Variants in DTNB observed in about 807,000 individuals in gnomAD.
DTNB encodes the protein dystrobrevin beta, also known as DTN-B.
A neutral mutation model predicts 90.7 loss-of-function variants in DTNB; 63 were observed. The observed-to-expected ratio is 0.69, with a 90% confidence interval of 0.57 to 0.86. The LOEUF is 0.86. DTNB is among the 40% of genes least tolerant of loss of function. The probability of loss-of-function intolerance (pLI) is 0.00; values close to 1 mark genes in which losing one functional copy is unlikely to be tolerated. For synonymous variants in DTNB, 277 were observed against 286.7 expected, an observed-to-expected ratio of 0.97 and a Z score of 0.34; for missense variants, 744 against 807.1, an observed-to-expected ratio of 0.92 and a Z score of 0.95.
At chr2:25,551,933 C>G (rs1382406373) in intron 8 of DTNB, among the ~76,000 whole-genome samples, 1 of 152,180 alleles carries the variant, frequency 6.6e-6, no homozygotes, top group Non-Finnish European at 1.5e-5. Context: ...CAAATTTGTT[C>G]TTCAGCTATA....
At chr2:25,507,778 C>T (rs1180498360) in intron 9 of DTNB, among the ~76,000 whole-genome samples, 1 of 152,202 alleles carries the variant, frequency 6.6e-6, no homozygotes, top group Non-Finnish European at 1.5e-5. Flanking sequence ...TTAGTCCTTA[C>T]AATGGCATAT....
At chr2:25,406,128 G>T (rs899194293) in intron 16 of DTNB, among the ~76,000 whole-genome samples, 15 of 152,096 alleles carry the variant, frequency 9.9e-5, no homozygotes, top group Non-Finnish European at 1.8e-4. Context: ...GATCTGTGGG[G>T]CCCACCCTTC....
At chr2:25,496,125 C>A (rs981589643) in intron 9 of DTNB, among the ~76,000 whole-genome samples, 1 of 152,122 alleles carries the variant, frequency 6.6e-6, no homozygotes, top group Non-Finnish European at 1.5e-5. Context: ...TAAAATGAGA[C>A]AATAGTTATT....
intron 1 of DTNB, among the ~76,000 whole-genome samples, chr2:25,662,961 G>C (rs955823355): frequency 6.6e-6 from 1 of 151,958 alleles, no homozygotes; most frequent in Non-Finnish European, 1.5e-5. Context: ...TTGTTACATG[G>C]GTATACATGT....
rs1401119426 is a variant in DTNB, at chr2:25,640,752, AT to A, written c.68-1659del. 3.3e-5 allele frequency among the ~76,000 whole-genome samples: 5 copies of A among 152,200 alleles called. 1 individual carries two copies. In the South Asian group the frequency reaches 6.2e-4, roughly 19 times the overall value. On this transcript the variant is annotated intron_variant, in intron 2 of 20. Transcript: ENST00000406818. ...CCAGGCGCGGTGGCTCATGCCTGTAATCCCAGCACTTTGGGAGGCTGAGGCG... is the reference window on the plus strand; with the variant it reads ...CCAGGCGCGGTGGCTCATGCCTGTAACCCAGCACTTTGGGAGGCTGAGGCG...
At chr2:25,653,934 A>G (rs2081555256) in intron 1 of DTNB, among the ~76,000 whole-genome samples, 1 of 152,032 alleles carries the variant, frequency 6.6e-6, no homozygotes. Flanking sequence ...GCTCTTGATA[A>G]CTGCCTTCTG....
intron 8 of DTNB, among the ~76,000 whole-genome samples, chr2:25,549,655 G>T (rs2083176417): frequency 6.6e-6 from 1 of 151,924 alleles, no homozygotes; most frequent in African/African-American, 2.4e-5. Flanking sequence ...TGATTTATTT[G>T]CTTCCTTCTT....
At chr2:25,506,237 G>GGGGT (rs1431129765) in intron 9 of DTNB, among the ~76,000 whole-genome samples, 39 of 152,074 alleles carry the variant, frequency 2.6e-4, no homozygotes, top group African/African-American at 9.4e-4. Flanking sequence ...GCAGAGCAGG[G>GGGGT]GGGTGACTAT....
intron 16 of DTNB, among the ~76,000 whole-genome samples, chr2:25,409,240 TTCATTCATTCATTCAC>T (rs1171074282): frequency 6.6e-6 from 1 of 152,010 alleles, no homozygotes; most frequent in Non-Finnish European, 1.5e-5. Context: ...CATTCATTCA[TTCATTCATTCATTCAC>T]TCATTCATTC....
chr2:25,661,629 T>A (rs759985571), intron 1 of DTNB, among the ~76,000 whole-genome samples: 14 of 152,362 alleles, frequency 9.2e-5, no homozygotes, highest in Admixed American at 2.6e-4. Flanking sequence ...TGGGTGAAGA[T>A]GACAGAAGCG....
intron 4 of DTNB, among the ~76,000 whole-genome samples, chr2:25,619,831 G>GGAGTTT (rs1431250505): frequency 1.3e-5 from 2 of 152,086 alleles, no homozygotes; most frequent in Admixed American, 6.5e-5. Flanking sequence ...CAGGAGGTCA[G>GGAGTTT]GAGTTTGAGA....
intron 14 of DTNB, 73 bp downstream of exon 14, chr2:25,432,813 T>A: frequency 6.9e-7 from 1 of 1,442,896 alleles, no homozygotes; most frequent in South Asian, 1.2e-5. Context: ...TCTACCCCAC[T>A]CCTTTGGTTT....
chr2:25,469,220 G>A (rs1368933062), intron 10 of DTNB, among the ~76,000 whole-genome samples: 1 of 152,166 alleles, frequency 6.6e-6, no homozygotes, highest in African/African-American at 2.4e-5. Flanking sequence ...TGACATCAAA[G>A]TTGAAACTTG....
intron 5 of DTNB, among the ~76,000 whole-genome samples, chr2:25,605,956 T>G (rs1031368627): frequency 3.3e-5 from 5 of 152,106 alleles, no homozygotes; most frequent in Non-Finnish European, 7.4e-5. Context: ...CAAAAACATG[T>G]TCTATATTGC....
chr2:25,528,613 T>C (rs556158674), intron 9 of DTNB, among the ~76,000 whole-genome samples: 1 of 152,280 alleles, frequency 6.6e-6, no homozygotes, highest in African/African-American at 2.4e-5. Context: ...ATACAAAAAC[T>C]ATTTGCATTT....
intron 10 of DTNB, among the ~76,000 whole-genome samples, chr2:25,472,218 G>A (rs1021002210): frequency 1.3e-5 from 2 of 152,186 alleles, no homozygotes; most frequent in Non-Finnish European, 2.9e-5. Context: ...TGTACCAGAC[G>A]CTGCGGCTCA....
intron 10 of DTNB, among the ~76,000 whole-genome samples, chr2:25,459,610 C>T (rs1430735051): frequency 1.3e-5 from 2 of 152,166 alleles, no homozygotes. Flanking sequence ...TCTCCTGCCT[C>T]AGCCTCCTGA....
At chr2:25,538,079 G>A (rs111856438) in intron 8 of DTNB, among the ~76,000 whole-genome samples, 3 of 151,886 alleles carry the variant, frequency 2.0e-5, no homozygotes, top group African/African-American at 4.8e-5. Context: ...AATACTACAG[G>A]TTATATTTTT....
chr2:25,534,308 C>G (rs1361746669), intron 8 of DTNB, among the ~76,000 whole-genome samples: 7 of 152,130 alleles, frequency 4.6e-5, no homozygotes, highest in African/African-American at 1.7e-4. Flanking sequence ...TTTCAGAGAG[C>G]AGGGGGTTGG....
Sources: gnomAD v4.1 joint callset for allele counts (sites outside exome capture counted in the v4.1 genomes callset) on GRCh38, gnomAD v4.1.1 for gene constraint, MANE v1.5 for transcripts, NCBI Gene and HGNC (gene_info 2026-07-23, HGNC 2026-07-21) for gene names.